The following PARD3B variants were observed in gnomAD, a reference collection of about 807,000 sequenced individuals.
PARD3B encodes the protein par-3 family cell polarity regulator beta.
PARD3B carries 103 observed loss-of-function variants against 130.2 expected under a neutral mutation model. That is an observed-to-expected ratio of 0.79 (90% CI 0.67 to 0.93). PARD3B has a LOEUF of 0.93. PARD3B is among the 40% of genes least tolerant of loss of function. PARD3B has a pLI of 0.00. For synonymous variants in PARD3B, 583 were observed against 553.2 expected (o/e 1.05, Z -0.76); for missense variants, 1,609 against 1,499.2 (o/e 1.07, Z -1.21).
chr2:205,501,320 G>A (rs906467283), intron 21 of PARD3B, among the ~76,000 whole-genome samples: 3 of 152,102 alleles, frequency 2.0e-5, no homozygotes, highest in Admixed American at 6.6e-5. Flanking sequence ...ACTATGGATC[G>A]GAACAAACAG....
At chr2:204,838,349 ATGTGTGTGTGTG>A (rs55688873) in intron 2 of PARD3B, among the ~76,000 whole-genome samples, 25 of 135,426 alleles carry the variant, frequency 1.8e-4, no homozygotes, top group African/African-American at 4.6e-4. Context: ...TACCTGGCTA[ATGTGTGTGTGTG>A]TGTGTGTGTG....
At position 205,015,660 on chromosome 2, in the gene PARD3B, G is replaced by T. The variant is rs1167195851; in HGVS notation, c.395-31921G>T. ...GTGGTTGACATCTGCTTTGTCCTCC[G>T]TATCCATACTTTCTTACTCTAGATA... On this transcript the variant is annotated intron_variant, in intron 3 of 22. Transcript: ENST00000406610. The surrounding 1 kb of genome is among the most constrained non-coding windows in gnomAD (Gnocchi z 4.5). 1.3e-5 allele frequency among the ~76,000 whole-genome samples: 2 copies of T among 152,132 alleles called. No individual in the cohort carries two copies. Among genetic ancestry groups the T allele is most frequent in the Non-Finnish European group, 2.9e-5 (2 of 68,022 alleles).
intron 21 of PARD3B, among the ~76,000 whole-genome samples, chr2:205,551,923 G>T (rs985645911): frequency 6.6e-6 from 1 of 152,166 alleles, no homozygotes; most frequent in Non-Finnish European, 1.5e-5. Context: ...ATGCCCATGT[G>T]TGAGGGATAT....
Position 204,824,173 on chromosome 2 carries a change from C to T in PARD3B, c.222+137891C>T, listed in dbSNP as rs148014831. On this transcript the variant is annotated intron_variant, in intron 2 of 22. Transcript: ENST00000406610. ...CTCCAAACCAGCTGTCTGTCACTCT[C>T]TGCTCTCATCTGTACACCCAGGGAC... Among the ~76,000 whole-genome samples, 1,052 of 152,322 alleles carry T rather than the reference C, an allele frequency of 6.9e-3. 10 individuals are homozygous for T. The highest frequency in any genetic ancestry group is 0.023 in the African/African-American group (972 of 41,564).
intron 2 of PARD3B, among the ~76,000 whole-genome samples, chr2:204,953,420 C>CAG (rs138644226): frequency 0.044 from 5,428 of 123,044 alleles, 165 homozygotes; most frequent in Non-Finnish European, 0.066. Flanking sequence ...TACACACACA[C>CAG]AGAGAGAGAG....
At position 205,272,937 on chromosome 2, in the gene PARD3B, G is replaced by A. The variant is rs1294037949; in HGVS notation, c.2185+27115G>A. Among the ~76,000 whole-genome samples the A allele has an allele frequency of 2.0e-5, 3 of 152,120 alleles. No individual in the cohort carries two copies. The East Asian group carries it at 5.8e-4, about 29-fold the overall frequency. ...GTCAGGATTTTGTTAAAAAGAAGCT[G>A]AAAAACTATTTGGCATAAACAATAA... On this transcript the variant is annotated intron_variant, in intron 16 of 22. Transcript: ENST00000406610.
intron 22 of PARD3B, among the ~76,000 whole-genome samples, chr2:205,578,161 C>A (rs759681258): frequency 4.6e-5 from 7 of 152,150 alleles, no homozygotes; most frequent in Non-Finnish European, 8.8e-5. Flanking sequence ...GCAACATCTG[C>A]CCCAGGAATT....
At chr2:205,500,123 AG>A in intron 21 of PARD3B, 92 bp downstream of exon 21, 1 of 1,391,770 alleles carries the variant, frequency 7.2e-7, no homozygotes, top group Non-Finnish European at 9.7e-7. Flanking sequence ...TGTACATACC[AG>A]ATTCTATTTA....
Position 205,168,320 on chromosome 2 carries a change from A to AGAGAGAGAGAGAGAGTGT in PARD3B, c.1621-3890_1621-3889insAGAGAGAGAGAGAGTGTG, listed in dbSNP as rs371904121. ...GAGAGAGAGAGAGAGAGAGAGAGAG[A>AGAGAGAGAGAGAGAGTGT]GTGTGTGTGTGTGAATATTGCAAGC... is the stretch of plus-strand genomic sequence containing the variant. On this transcript the variant is annotated intron_variant, in intron 11 of 22. Transcript: ENST00000406610. Among the ~76,000 whole-genome samples the AGAGAGAGAGAGAGAGTGT allele has an allele frequency of 3.3e-3, 394 of 119,728 alleles. 2 individuals are homozygous for AGAGAGAGAGAGAGAGTGT. The highest frequency in any genetic ancestry group is 6.8e-3 in the African/African-American group (200 of 29,624). The allele number at this position is 119,728 out of a possible 152,430, so 78.5% of individuals were successfully genotyped here. A position where few individuals can be genotyped will look rare whatever the true frequency, so the allele number is the denominator to read the frequency against.
chr2:204,885,049 G>T (rs377119942), intron 2 of PARD3B, among the ~76,000 whole-genome samples: 1 of 152,132 alleles, frequency 6.6e-6, no homozygotes, highest in Non-Finnish European at 1.5e-5. Flanking sequence ...TTGAAGAATC[G>T]CCACACTGTC....
chr2:205,410,432 TGGATAA>T (rs995314200), intron 19 of PARD3B, among the ~76,000 whole-genome samples: 2 of 152,182 alleles, frequency 1.3e-5, no homozygotes, highest in Admixed American at 1.3e-4. Flanking sequence ...TTCGTGGCAT[TGGATAA>T]GCCACTTTTG....
At chr2:204,549,728 C>T (rs115578052) in intron 1 of PARD3B, among the ~76,000 whole-genome samples, 26 of 152,238 alleles carry the variant, frequency 1.7e-4, no homozygotes, top group African/African-American at 6.3e-4. Context: ...GATATCTACA[C>T]ACCAATCTGT....
Position 205,342,566 on chromosome 2 carries a change from A to C in PARD3B, c.2630+40865A>C, listed in dbSNP as rs776461775. The stretch of plus-strand genomic sequence containing the variant: ...AAACTTTGGAGACTGCAAGACTCCA[A>C]ATAGGAGCAACATGAGGTAGAGCAG... On this transcript the variant is annotated intron_variant, in intron 18 of 22. Coordinates refer to ENST00000406610, the MANE Select transcript of PARD3B (RefSeq NM_001302769.2). Among the ~76,000 whole-genome samples the C allele has an allele frequency of 3.4e-4, 51 of 152,180 alleles. 1 individual carries two copies. The highest frequency in any genetic ancestry group is 5.9e-5 in the Non-Finnish European group (4 of 68,006).
chr2:204,590,578 A>G (rs975765840), intron 1 of PARD3B, among the ~76,000 whole-genome samples: 1 of 152,162 alleles, frequency 6.6e-6, no homozygotes, highest in Non-Finnish European at 1.5e-5. Context: ...GATGGGGAGA[A>G]AGGAGCTGGG....
intron 1 of PARD3B, among the ~76,000 whole-genome samples, chr2:204,672,842 A>G (rs1316596896): frequency 6.6e-6 from 1 of 152,234 alleles, no homozygotes; most frequent in Non-Finnish European, 1.5e-5. Flanking sequence ...CAGAGTAGTA[A>G]TAATCACAGG....
At position 204,960,619 on chromosome 2, in the gene PARD3B, T is replaced by C. The variant is rs539523680; in HGVS notation, c.223-4533T>C. ...TGAAAAATCTAGGTGTCTTTTGTTG[T>C]TGTGTTAGGTTTTAGTATCTGTTTG... On this transcript the variant is annotated intron_variant, in intron 2 of 22. Transcript: ENST00000406610. Among the ~76,000 whole-genome samples the C allele has an allele frequency of 3.3e-5, 5 of 152,316 alleles. No individual in the cohort carries two copies. The South Asian group carries it at 1.0e-3, about 32-fold the overall frequency.
At chr2:205,450,928 A>G (rs986908018) in intron 20 of PARD3B, among the ~76,000 whole-genome samples, 1 of 152,166 alleles carries the variant, frequency 6.6e-6, no homozygotes, top group African/African-American at 2.4e-5. Context: ...ATATCCTACC[A>G]TGTCACTTGA....
At chr2:205,218,538 G>A (rs996422518) in intron 15 of PARD3B, among the ~76,000 whole-genome samples, 3 of 151,970 alleles carry the variant, frequency 2.0e-5, no homozygotes, top group Non-Finnish European at 4.4e-5. Context: ...CAGAGAGATT[G>A]CTAAAAAAAT....
chr2:205,219,463 G>A (rs1049441897), intron 15 of PARD3B, among the ~76,000 whole-genome samples: 2 of 152,186 alleles, frequency 1.3e-5, no homozygotes, highest in African/African-American at 4.8e-5. Context: ...CTATTACACA[G>A]TAGTAGCCCT....
Sources: allele counts gnomAD v4.1 joint callset (sites outside exome capture counted in the v4.1 genomes callset), GRCh38; gene constraint gnomAD v4.1.1; non-coding constraint Gnocchi (gnomAD v3.1); transcripts MANE v1.5; gene names NCBI Gene and HGNC (gene_info 2026-07-23, HGNC 2026-07-21).